The following NECTIN1 variants were observed in gnomAD, a reference collection of about 807,000 sequenced individuals.
NECTIN1 encodes the protein nectin cell adhesion molecule 1.
NECTIN1 carries 23 observed loss-of-function variants against 48.0 expected under a neutral mutation model. That is an observed-to-expected ratio of 0.48 (90% CI 0.34 to 0.68). The LOEUF (loss-of-function observed/expected upper bound fraction) is 0.68. Among genes scored for constraint, NECTIN1 ranks in the 30% least tolerant of loss-of-function variants. The probability of loss-of-function intolerance (pLI) is 0.01; values close to 1 mark genes in which losing one functional copy is unlikely to be tolerated. For synonymous variants in NECTIN1, 270 were observed against 288.9 expected (o/e 0.93, Z 0.66); for missense variants, 591 against 709.9 (o/e 0.83, Z 1.90).
At chr11:119,699,234 C>T (rs1193721629) in intron 1 of NECTIN1, among the ~76,000 whole-genome samples, 1 of 152,170 alleles carries the variant, frequency 6.6e-6, no homozygotes, top group African/African-American at 2.4e-5. Context: ...GTGATGAGCC[C>T]TAAGGATGCA....
intron 6 of NECTIN1, chr11:119,638,848 T>C (rs2135521219): frequency 6.4e-7 from 1 of 1,551,612 alleles, no homozygotes; most frequent in South Asian, 1.1e-5. Context: ...GGAGCACACA[T>C]GGGGGCTCTC....
chr11:119,712,825 C>T (rs911479843), intron 1 of NECTIN1: 1 of 152,270 alleles, frequency 6.6e-6, no homozygotes, highest in Non-Finnish European at 1.5e-5. Flanking sequence ...TTCAGGTCCC[C>T]GCTCACGTGC....
chr11:119,638,292 C>T, intron 7 of NECTIN1: 1 of 1,611,556 alleles, frequency 6.2e-7, no homozygotes, highest in African/African-American at 1.3e-5. Flanking sequence ...TTCCATGCCC[C>T]TGCTCCAGGT....
chr11:119,654,610 C>T (rs370495635), intron 5 of NECTIN1, among the ~76,000 whole-genome samples: 154 of 151,420 alleles, frequency 1.0e-3, no homozygotes, highest in Middle Eastern at 6.8e-3. Context: ...CTCGCTCAGT[C>T]GCCCATGCTG....
chr11:119,707,086 G>C (rs1865561455), intron 1 of NECTIN1, among the ~76,000 whole-genome samples: 1 of 152,198 alleles, frequency 6.6e-6, no homozygotes, highest in African/African-American at 2.4e-5. Flanking sequence ...TACTGCCCCT[G>C]CTGGCTTGGG....
chr11:119,649,669 G>T (rs1184888255), intron 5 of NECTIN1, among the ~76,000 whole-genome samples: 2 of 152,188 alleles, frequency 1.3e-5, no homozygotes, highest in Non-Finnish European at 2.9e-5. Flanking sequence ...CAGCCTGGGT[G>T]ACAGGGTGAG....
intron 4 of NECTIN1, 69 bp from the exon 5 acceptor site, chr11:119,675,379 C>T: frequency 6.3e-7 from 1 of 1,579,966 alleles, no homozygotes; most frequent in Non-Finnish European, 8.7e-7. Flanking sequence ...CCTGGGTCAC[C>T]CACTTGGCTC....
Position 119,677,716 on chromosome 11 carries a change from C to A in NECTIN1, c.572G>T (p.Gly191Val), listed in dbSNP as rs1003809317. ...CCGGATCTCCTGGTACTCTGCCTCA[C>A]CTTTTAACCGAGTTTCCCAGGATAC... is the stretch of plus-strand genomic sequence containing the variant. ...SVVSWETRLK[G>V]EAEYQEIRNP... The change falls in exon 3 of 6, where the codon GGT (glycine) becomes GTT (valine). Residue 191 changes from glycine to valine, a missense_variant. Physicochemically the swap from Gly to Val is moderately radical, Grantham distance 109. Coordinates refer to ENST00000264025, the MANE Select transcript of NECTIN1 (RefSeq NM_002855.5). The surrounding 1 kb of genome is among the most constrained non-coding windows in gnomAD (Gnocchi z 5.4). 6.2e-7 allele frequency: 1 copy of A among 1,614,150 alleles called. No individual in the cohort carries two copies. Among genetic ancestry groups the A allele is most frequent in the Non-Finnish European group, 8.5e-7 (1 of 1,180,032 alleles).
chr11:119,662,487 G>C lies in NECTIN1; in HGVS notation c.*2260C>G, dbSNP rs967066243. The C allele has an allele frequency of 6.1e-6, 6 of 985,770 alleles. No individual in the cohort carries two copies. The highest frequency in any genetic ancestry group is 7.2e-6 in the Non-Finnish European group (6 of 830,030). 61.1% of individuals were successfully genotyped at this position (985,770 alleles called of 1,614,324 possible). On this transcript the variant is annotated 3_prime_UTR_variant, in exon 6 of 6. Transcript: ENST00000264025. The surrounding 1 kb of genome is among the most constrained non-coding windows in gnomAD (Gnocchi z 5.3). ...TGGGGAGGGTGTGGAGGTGTCTTAAGGGGGAACTCAGTGCTTTGGCTGGGC... is the reference window on the plus strand; with the variant it reads ...TGGGGAGGGTGTGGAGGTGTCTTAACGGGGAACTCAGTGCTTTGGCTGGGC...
At chr11:119,655,012 C>T (rs1049770846) in intron 5 of NECTIN1, among the ~76,000 whole-genome samples, 1 of 152,042 alleles carries the variant, frequency 6.6e-6, no homozygotes, top group South Asian at 2.1e-4. Flanking sequence ...TGGGATCTAG[C>T]GATTCTCCGG....
At chr11:119,694,540 T>C (rs1474781223) in intron 1 of NECTIN1, among the ~76,000 whole-genome samples, 2 of 152,202 alleles carry the variant, frequency 1.3e-5, no homozygotes, top group Non-Finnish European at 2.9e-5. Context: ...CTACCTCTCA[T>C]TGCAGAAGGT....
At chr11:119,699,316 C>A (rs1251122438) in intron 1 of NECTIN1, among the ~76,000 whole-genome samples, 1 of 152,232 alleles carries the variant, frequency 6.6e-6, no homozygotes, top group Non-Finnish European at 1.5e-5. Flanking sequence ...CCCTGAGTTC[C>A]TGGAGTCTAA....
chr11:119,671,377 A>C (rs1289336368), intron 5 of NECTIN1, among the ~76,000 whole-genome samples: 2 of 152,012 alleles, frequency 1.3e-5, no homozygotes, highest in African/African-American at 4.8e-5. Flanking sequence ...CTATTCCTGA[A>C]GGGTTGTAAC....
chr11:119,721,907 A>G (rs1865837292), intron 1 of NECTIN1, among the ~76,000 whole-genome samples: 1 of 152,148 alleles, frequency 6.6e-6, no homozygotes, highest in African/African-American at 2.4e-5. Context: ...CCACCCTCCA[A>G]CCTATATCCT....
intron 5 of NECTIN1, among the ~76,000 whole-genome samples, chr11:119,648,687 C>G (rs1864448921): frequency 6.6e-6 from 1 of 151,974 alleles, no homozygotes; most frequent in African/African-American, 2.4e-5. Context: ...TGGGGCAGAG[C>G]CCAGGAAGCT....
At chr11:119,718,058 CT>C (rs1865773983) in intron 1 of NECTIN1, among the ~76,000 whole-genome samples, 1 of 152,216 alleles carries the variant, frequency 6.6e-6, no homozygotes. Flanking sequence ...GATCAGATGA[CT>C]GTTTTGCAGC....
chr11:119,689,416 C>T (rs1488624993), intron 1 of NECTIN1, among the ~76,000 whole-genome samples: 1 of 152,228 alleles, frequency 6.6e-6, no homozygotes, highest in African/African-American at 2.4e-5. Context: ...GCATCTGGCA[C>T]TCCCAGCACT....
rs1324345974 is a variant in NECTIN1, at chr11:119,665,166, G to A, written c.1135C>T (p.Arg379Cys). The part of the protein sequence containing the change: ...IVVGGIVVAL[R>C]RRRHTFKGDY... ...CCCTTGAAGGTGTGCCGGCGCCGACGCAGGGCGACCACGATCCCGCCGACC... is the reference window on the plus strand; with the variant it reads ...CCCTTGAAGGTGTGCCGGCGCCGACACAGGGCGACCACGATCCCGCCGACC... The change falls in exon 6 of 6, where the codon CGT becomes TGT. Residue 379 changes from arginine to cysteine, a missense_variant. Coordinates refer to ENST00000264025, the MANE Select transcript of NECTIN1 (RefSeq NM_002855.5). This position sits in a 1 kb window ranked among gnomAD's most constrained non-coding sequence, Gnocchi z 5.1. 29 of 1,612,396 alleles carry A rather than the reference G, an allele frequency of 1.8e-5. No individual in the cohort carries two copies. Among genetic ancestry groups the A allele is most frequent in the Non-Finnish European group, 2.4e-5 (28 of 1,179,968 alleles).
rs115405762 is a variant in NECTIN1 at position 119,683,085 on chromosome 11, C to A, written c.80-4320G>T. 0.018 allele frequency among the ~76,000 whole-genome samples: 2,713 copies of A among 152,312 alleles called. 65 individuals carry two copies. The highest frequency in any genetic ancestry group is 0.049 in the African/African-American group (2,025 of 41,570). ...GGTTGAGTTGACCATGTCACGCCTG[C>A]CACTGGCAGGGTCCAGGGCTTGGGG... is the stretch of plus-strand genomic sequence containing the variant. On this transcript the variant is annotated intron_variant, in intron 1 of 5. Transcript: ENST00000264025. This position sits in a 1 kb window ranked among gnomAD's most constrained non-coding sequence, Gnocchi z 4.0.
Sources: gnomAD v4.1 joint callset for allele counts (sites outside exome capture counted in the v4.1 genomes callset) on GRCh38, gnomAD v4.1.1 for gene constraint, Gnocchi (gnomAD v3.1) non-coding constraint, MANE v1.5 for transcripts, NCBI Gene and HGNC (gene_info 2026-07-23, HGNC 2026-07-21) for gene names.